PCDHGB5: variants seen among roughly 807,000 people sequenced by gnomAD.
PCDHGB5 encodes protocadherin gamma-B5.
Under a neutral mutation model 62.9 loss-of-function variants are expected in PCDHGB5, and 48 were observed. The observed-to-expected ratio is 0.76, with a 90% CI of 0.61 to 0.97. The LOEUF (loss-of-function observed/expected upper bound fraction) is 0.97. Ranked by LOEUF, PCDHGB5 falls within the 50% of genes least tolerant of loss-of-function variation. The pLI is 0.00. For synonymous variants in PCDHGB5, 474 were observed against 511.2 expected, an observed-to-expected ratio of 0.93 and a Z score of 0.98; for missense variants, 1,118 against 1,198.6, an observed-to-expected ratio of 0.93 and a Z score of 0.99.
rs34752215 is a variant in PCDHGB5 at position 141,427,657 on chromosome 5, A to C, written c.2397+27133A>C. The C allele has an allele frequency of 1.4e-3, 1,030 of 734,210 alleles. 5 individuals carry two copies. Among genetic ancestry groups the C allele is most frequent in the Middle Eastern group, 5.7e-3 (25 of 4,398 alleles). The allele number at this position is 734,210 out of a possible 1,614,324, so 45.5% of individuals were successfully genotyped here. On this transcript the variant is annotated intron_variant, in intron 1 of 3. Coordinates refer to ENST00000617380, the MANE Select transcript of PCDHGB5 (RefSeq NM_018925.3). The stretch of plus-strand genomic sequence containing the variant: ...TTCCACCAAGTCTCCTACGTGGTCC[A>C]CGTGGCCGAAAACAACCTTCCCGGA...
intron 1 of PCDHGB5, chr5:141,404,701 G>T (rs563319884): frequency 6.2e-7 from 1 of 1,614,074 alleles, no homozygotes; most frequent in African/African-American, 1.3e-5. Flanking sequence ...GCTCTGCAGA[G>T]CCTGGCTACC....
intron 1 of PCDHGB5, chr5:141,405,031 CGTT>C: frequency 6.2e-7 from 1 of 1,613,968 alleles, no homozygotes; most frequent in Admixed American, 1.7e-5. Flanking sequence ...CCCTCTACCT[CGTT>C]GTGGCTGTGG....
At chr5:141,446,039 A>G (rs1349676116) in intron 1 of PCDHGB5, among the ~76,000 whole-genome samples, 1 of 152,180 alleles carries the variant, frequency 6.6e-6, no homozygotes, top group African/African-American at 2.4e-5. Context: ...TAAGAAATGG[A>G]AGAAGAGCTG....
chr5:141,463,308 A>G (rs1233755540), intron 1 of PCDHGB5, among the ~76,000 whole-genome samples: 1 of 151,660 alleles, frequency 6.6e-6, no homozygotes, highest in Admixed American at 6.6e-5. Context: ...CCAAACTCTA[A>G]TATCTATTCC....
chr5:141,399,945 G>T lies in PCDHGB5; in HGVS notation c.1818G>T (p.Gln606His). Residue 606 changes from glutamine (Q) to histidine (H), a missense_variant, in exon 1 of 4, where the codon CAG becomes CAT. By Grantham distance (24) the Gln-to-His change is conservative. Around this residue, in one of 2 missense-constraint regions of PCDHGB5, gnomAD observed 1,034 missense variants for 1,029.1 expected, o/e 1.00. Coordinates refer to ENST00000617380, the MANE Select transcript of PCDHGB5 (RefSeq NM_018925.3). Reference sequence around the variant, plus strand: ...CCTGGCTGTCCTACCACGTGCTGCAGGCTAGCGAGCCCGGGCTCTTCAGCC... The same window carrying T: ...CCTGGCTGTCCTACCACGTGCTGCATGCTAGCGAGCCCGGGCTCTTCAGCC... ...HNAWLSYHVL[Q>H]ASEPGLFSLG... 1.2e-6 allele frequency: 2 copies of T among 1,612,308 alleles called. No individual in the cohort carries two copies. The highest frequency in any genetic ancestry group is 1.7e-6 in the Non-Finnish European group (2 of 1,179,728).
At chr5:141,470,599 C>T (rs967683467) in intron 1 of PCDHGB5, among the ~76,000 whole-genome samples, 12 of 152,194 alleles carry the variant, frequency 7.9e-5, no homozygotes, top group Non-Finnish European at 1.2e-4. Context: ...GCGACCTGTG[C>T]GGGGACACAG....
intron 1 of PCDHGB5, chr5:141,423,007 G>A: frequency 6.2e-7 from 1 of 1,614,242 alleles, no homozygotes; most frequent in Non-Finnish European, 8.5e-7. Flanking sequence ...CAAGGTGGTT[G>A]CGGTGGACAA....
At position 141,494,826 on chromosome 5, in the gene PCDHGB5, A is replaced by C; in HGVS notation, c.2417A>C (p.Asp806Ala). The change falls in exon 2 of 4, where the codon GAC becomes GCC. Residue 806 changes from aspartate to alanine, a missense_variant. Asp to Ala is a moderately radical substitution (Grantham distance 126, BLOSUM62 -2). Transcript: ENST00000617380. The part of the protein sequence containing the change: ...HPELQAPPNT[D>A]WRFSQAQRPG... ...CCACAGCAAGCCCCGCCCAACACGGACTGGCGTTTCTCTCAGGCCCAGAGA... is the reference window on the plus strand; with the variant it reads ...CCACAGCAAGCCCCGCCCAACACGGCCTGGCGTTTCTCTCAGGCCCAGAGA... 4 of 1,613,960 alleles carry C rather than the reference A, an allele frequency of 2.5e-6. No individual in the cohort carries two copies. Among genetic ancestry groups the C allele is most frequent in the Non-Finnish European group, 3.4e-6 (4 of 1,179,976 alleles).
At chr5:141,416,033 C>T (rs770398549) in intron 1 of PCDHGB5, 22 of 202,600 alleles carry the variant, frequency 1.1e-4, no homozygotes, top group Non-Finnish European at 1.9e-4. Flanking sequence ...AAAGAAATCA[C>T]CTCTGGAAAC....
chr5:141,479,277 TC>T (rs2099491823), intron 1 of PCDHGB5: 1 of 152,362 alleles, frequency 6.6e-6, no homozygotes, highest in African/African-American at 2.4e-5. Flanking sequence ...ATAATTTATT[TC>T]AAAAATAAAT....
intron 1 of PCDHGB5, chr5:141,421,544 A>G (rs2096582597): frequency 6.2e-7 from 1 of 1,613,912 alleles, no homozygotes; most frequent in African/African-American, 1.3e-5. Context: ...TGTTTTTTAA[A>G]TATGGAACTT....
At chr5:141,481,739 G>A (rs1034725934) in intron 1 of PCDHGB5, among the ~76,000 whole-genome samples, 1 of 152,082 alleles carries the variant, frequency 6.6e-6, no homozygotes, top group Non-Finnish European at 1.5e-5. Flanking sequence ...GGATCACGAG[G>A]TCAGGAGTCC....
chr5:141,424,797 C>G (rs1262781875), intron 1 of PCDHGB5: 1 of 151,908 alleles, frequency 6.6e-6, no homozygotes, highest in Non-Finnish European at 1.5e-5. Flanking sequence ...TTATTCAGAC[C>G]AACTTGTTAT....
chr5:141,471,846 T>C (rs2099265433), intron 1 of PCDHGB5, among the ~76,000 whole-genome samples: 1 of 152,180 alleles, frequency 6.6e-6, no homozygotes. Context: ...AATAAAATAT[T>C]CAGAAAAAGC....
At chr5:141,460,368 G>A (rs1005554535) in intron 1 of PCDHGB5, among the ~76,000 whole-genome samples, 1 of 152,050 alleles carries the variant, frequency 6.6e-6, no homozygotes. Context: ...AAGTTTTATA[G>A]TTTTACCATT....
intron 1 of PCDHGB5, chr5:141,418,928 A>C: frequency 1.2e-6 from 2 of 1,613,978 alleles, no homozygotes; most frequent in Non-Finnish European, 1.7e-6. Flanking sequence ...TGATCAGATT[A>C]TGGAGGATTC....
Position 141,511,381 on chromosome 5 carries a change from G to C in PCDHGB5, c.*208G>C. 8.5e-7 allele frequency: 1 copy of C among 1,170,380 alleles called. No individual in the cohort carries two copies. Among genetic ancestry groups the C allele is most frequent in the Non-Finnish European group, 1.2e-6 (1 of 854,768 alleles). 72.5% of individuals were successfully genotyped at this position (1,170,380 alleles called of 1,614,324 possible). On this transcript the variant is annotated 3_prime_UTR_variant, in exon 4 of 4. Coordinates refer to ENST00000617380, the MANE Select transcript of PCDHGB5 (RefSeq NM_018925.3). The stretch of plus-strand genomic sequence containing the variant: ...GGGTTGAATATGCAAAAGCAGTTCC[G>C]CTGGGAACCCCCATCCAATCAACTG...
intron 1 of PCDHGB5, chr5:141,440,160 G>A (rs568136682): frequency 6.6e-6 from 1 of 152,324 alleles, no homozygotes; most frequent in East Asian, 1.9e-4. Flanking sequence ...ATTATAGCTT[G>A]GGCCATAACG....
chr5:141,403,049 T>A, intron 1 of PCDHGB5: 1 of 1,614,056 alleles, frequency 6.2e-7, no homozygotes, highest in Non-Finnish European at 8.5e-7. Context: ...TCAGATTCGC[T>A]ACTCAGTGCC....
Sources: allele counts gnomAD v4.1 joint callset (sites outside exome capture counted in the v4.1 genomes callset), GRCh38; gene constraint gnomAD v4.1.1; regional missense constraint gnomAD v4.1.1; transcripts MANE v1.5; gene names NCBI Gene and HGNC (gene_info 2026-07-23, HGNC 2026-07-21).